Variants in MYRIP observed in about 807,000 individuals in gnomAD.
MYRIP encodes the protein rab effector MyRIP.
In MYRIP, 49 loss-of-function variants were observed where a neutral mutation model predicts 98.0. The ratio of observed to expected loss-of-function variants is 0.50; its 90% CI spans 0.40 to 0.63. The LOEUF (loss-of-function observed/expected upper bound fraction) is 0.63. Among genes scored for constraint, MYRIP ranks in the 30% least tolerant of loss-of-function variants. The pLI is 0.00. For missense variants in MYRIP, 1,004 were observed against 1,058.2 expected, an observed-to-expected ratio of 0.95 and a Z score of 0.71; for synonymous variants, 404 against 409.5, an observed-to-expected ratio of 0.99 and a Z score of 0.16.
At chr3:40,079,384 C>T (rs1261231343) in intron 3 of MYRIP, among the ~76,000 whole-genome samples, 2 of 152,168 alleles carry the variant, frequency 1.3e-5, no homozygotes, top group Admixed American at 6.5e-5. Context: ...GGCCTGTGAC[C>T]TACACAGTTG....
intron 1 of MYRIP, among the ~76,000 whole-genome samples, chr3:39,832,391 G>C (rs1941477494): frequency 6.6e-6 from 1 of 152,188 alleles, no homozygotes; most frequent in Non-Finnish European, 1.5e-5. Flanking sequence ...GAGACTGAGA[G>C]CTTGTATTTT....
chr3:40,166,823 T>C, intron 5 of MYRIP, 23 bp from the exon 6 acceptor site: 1 of 1,494,914 alleles, frequency 6.7e-7, no homozygotes, highest in Non-Finnish European at 9.3e-7. Flanking sequence ...TTAGAAATGC[T>C]CTTTGTTCTG....
At chr3:40,044,648 G>T (rs953276577) in intron 3 of MYRIP, among the ~76,000 whole-genome samples, 1 of 152,110 alleles carries the variant, frequency 6.6e-6, no homozygotes, top group Non-Finnish European at 1.5e-5. Flanking sequence ...GGTGAATTAG[G>T]CCAATTATGA....
intron 1 of MYRIP, among the ~76,000 whole-genome samples, chr3:39,869,785 C>A (rs1942729874): frequency 6.6e-6 from 1 of 152,204 alleles, no homozygotes; most frequent in Admixed American, 6.5e-5. Context: ...CTCCTCATCT[C>A]CCTCAGAATA....
At position 39,812,532 on chromosome 3, in the gene MYRIP, C is replaced by G. The variant is rs76368091; in HGVS notation, c.-31+2616C>G. 1.5e-3 allele frequency among the ~76,000 whole-genome samples: 230 copies of G among 152,178 alleles called. 6 individuals carry two copies. The East Asian group carries it at 0.039, about 26-fold the overall frequency. The stretch of plus-strand genomic sequence containing the variant: ...ATTGGTCAATGGCGGCTGGTTTGTT[C>G]CCATAAGAGCTTTTTCATAGGGTGA... On this transcript the variant is annotated intron_variant, in intron 1 of 16. Transcript: ENST00000302541.
At chr3:39,998,852 G>A (rs1946440255) in intron 2 of MYRIP, among the ~76,000 whole-genome samples, 3 of 152,012 alleles carry the variant, frequency 2.0e-5, no homozygotes, top group Admixed American at 6.6e-5. Context: ...GGAACACAAC[G>A]GAGTCCTCAG....
At chr3:40,006,598 C>T (rs1308387813) in intron 2 of MYRIP, among the ~76,000 whole-genome samples, 2 of 152,196 alleles carry the variant, frequency 1.3e-5, no homozygotes, top group Non-Finnish European at 2.9e-5. Flanking sequence ...TTAACCGAGC[C>T]TCAGATGCCT....
At chr3:40,200,780 C>T (rs920042536) in intron 10 of MYRIP, among the ~76,000 whole-genome samples, 1 of 152,212 alleles carries the variant, frequency 6.6e-6, no homozygotes. Flanking sequence ...TCAGTCCCTT[C>T]ACCCCAACCC....
intron 4 of MYRIP, among the ~76,000 whole-genome samples, chr3:40,152,741 G>A (rs920427034): frequency 1.3e-5 from 2 of 152,168 alleles, no homozygotes; most frequent in African/African-American, 4.8e-5. Flanking sequence ...GCAGGTGGTA[G>A]CTTGTTTATC....
rs189056482 is a variant in MYRIP at position 39,811,922 on chromosome 3, C to G, written c.-31+2006C>G. On this transcript the variant is annotated intron_variant, in intron 1 of 16. Coordinates refer to ENST00000302541, the MANE Select transcript of MYRIP (RefSeq NM_015460.4). ...TCCTTCCTCCCTGCCCAGAGGGATT[C>G]CCGATGGCTGAAAAATATCCCGTAG... Among the ~76,000 whole-genome samples, 3 of 152,236 alleles carry G rather than the reference C, an allele frequency of 2.0e-5. No individual in the cohort carries two copies. In the East Asian group the frequency reaches 5.8e-4, roughly 29 times the overall value.
chr3:40,137,113 TCAA>T (rs1467679609), intron 3 of MYRIP, among the ~76,000 whole-genome samples: 5 of 152,060 alleles, frequency 3.3e-5, no homozygotes, highest in African/African-American at 4.8e-5. Context: ...TTTGAAAAGA[TCAA>T]CAAAATTGAT....
In MYRIP at chr3:39,941,370, G is replaced by A. The variant is rs553417886; in HGVS notation, c.110+40444G>A. Among the ~76,000 whole-genome samples the A allele has an allele frequency of 5.6e-3, 853 of 152,032 alleles. 7 individuals carry two copies. Among genetic ancestry groups the A allele is most frequent in the African/African-American group, 0.02 (816 of 41,460 alleles). ...CCATTCATGAAAGAGCCACCTCCAT[G>A]ACCCTAACACCTCCTACTGGGCCCC... is the stretch of plus-strand genomic sequence containing the variant. On this transcript the variant is annotated intron_variant, in intron 2 of 16. Coordinates refer to ENST00000302541, the MANE Select transcript of MYRIP (RefSeq NM_015460.4).
chr3:40,244,391 C>A, intron 12 of MYRIP, 55 bp from the exon 13 acceptor site: 1 of 1,530,040 alleles, frequency 6.5e-7, no homozygotes, highest in Non-Finnish European at 8.8e-7. Flanking sequence ...TCAAGGGACC[C>A]CCAACCAGTC....
intron 1 of MYRIP, among the ~76,000 whole-genome samples, chr3:39,859,309 C>T (rs78708317): frequency 2.0e-4 from 30 of 152,178 alleles, no homozygotes; most frequent in South Asian, 6.2e-4. Flanking sequence ...AACATACAAC[C>T]GGCCATGACT....
intron 11 of MYRIP, among the ~76,000 whole-genome samples, chr3:40,233,626 G>T (rs1017950283): frequency 6.6e-6 from 1 of 152,124 alleles, no homozygotes; most frequent in African/African-American, 2.4e-5. Flanking sequence ...CCCTCACCAA[G>T]AATCTGAAAT....
intron 11 of MYRIP, among the ~76,000 whole-genome samples, chr3:40,214,693 G>A (rs1714407): frequency 1.3e-4 from 20 of 152,092 alleles, no homozygotes; most frequent in African/African-American, 4.6e-4. Context: ...AGACCTCAGC[G>A]GTCAGCCTTC....
intron 2 of MYRIP, among the ~76,000 whole-genome samples, chr3:39,991,325 C>G (rs759594725): frequency 2.0e-5 from 3 of 152,148 alleles, no homozygotes; most frequent in Non-Finnish European, 4.4e-5. Flanking sequence ...GTAGAGAGAT[C>G]TCTACTCCAA....
Position 40,257,523 on chromosome 3 carries a change from G to T in MYRIP, c.2548-611G>T, listed in dbSNP as rs544512853. Among the ~76,000 whole-genome samples, 41 of 152,228 alleles carry T rather than the reference G, an allele frequency of 2.7e-4. No homozygotes were observed. In the South Asian group the frequency reaches 7.9e-3, roughly 29 times the overall value. On this transcript the variant is annotated intron_variant, in intron 16 of 16. Coordinates refer to ENST00000302541, the MANE Select transcript of MYRIP (RefSeq NM_015460.4). ...TAGCATTCCAATAATGGAACACTAG[G>T]CATAAGTGGATTTTAATAAATCACA...
chr3:40,049,468 A>AT (rs1947741489), intron 3 of MYRIP, among the ~76,000 whole-genome samples: 1 of 152,072 alleles, frequency 6.6e-6, no homozygotes, highest in South Asian at 2.1e-4. Context: ...CCACACCCAT[A>AT]TAAGACAGGA....
Sources: allele counts gnomAD v4.1 joint callset (sites outside exome capture counted in the v4.1 genomes callset), GRCh38; gene constraint gnomAD v4.1.1; transcripts MANE v1.5; gene names NCBI Gene and HGNC (gene_info 2026-07-23, HGNC 2026-07-21).